ADD3: variants seen among roughly 807,000 people sequenced by gnomAD.
ADD3 encodes gamma-adducin.
In ADD3, 25 loss-of-function variants were observed where a neutral mutation model predicts 80.2. The observed-to-expected ratio is 0.31, with a 90% CI of 0.23 to 0.44. The LOEUF (loss-of-function observed/expected upper bound fraction) is 0.44. Ranked by LOEUF, ADD3 falls within the 20% of genes least tolerant of loss-of-function variation. The probability of loss-of-function intolerance (pLI) is 1.00; values close to 1 mark genes in which losing one functional copy is unlikely to be tolerated. For synonymous variants in ADD3, 284 were observed against 289.6 expected, an observed-to-expected ratio of 0.98 and a Z score of 0.20; for missense variants, 829 against 847.5, an observed-to-expected ratio of 0.98 and a Z score of 0.27.
chr10:110,048,295 T>G (rs2133366168), intron 1 of ADD3, among the ~76,000 whole-genome samples: 1 of 152,284 alleles, frequency 6.6e-6, no homozygotes, highest in East Asian at 1.9e-4. Flanking sequence ...CAGCCTTGGG[T>G]ATGTCTTTAT....
At chr10:110,022,746 G>A (rs1853827023) in intron 1 of ADD3, among the ~76,000 whole-genome samples, 1 of 152,176 alleles carries the variant, frequency 6.6e-6, no homozygotes, top group African/African-American at 2.4e-5. Context: ...AGTACAGGTG[G>A]GCACAGAGAA....
chr10:110,016,279 G>T lies in ADD3; in HGVS notation c.-30+7980G>T, dbSNP rs572808378. On this transcript the variant is annotated intron_variant, in intron 1 of 14. Coordinates refer to ENST00000356080, the MANE Select transcript of ADD3 (RefSeq NM_016824.5). ...CCAGTTCCTGGAGAAACCAGGCCCA[G>T]CTTCATTTGGAGGATTTGACAGGAT... Among the ~76,000 whole-genome samples, 7 of 152,324 alleles carry T rather than the reference G, an allele frequency of 4.6e-5. No homozygotes were observed. In the East Asian group the frequency reaches 1.3e-3, roughly 29 times the overall value.
chr10:110,044,312 C>G (rs987099209), intron 1 of ADD3, among the ~76,000 whole-genome samples: 1 of 152,140 alleles, frequency 6.6e-6, no homozygotes. Context: ...GAGAATTTGT[C>G]GCTTTATATT....
rs1272125347 is a variant in ADD3, at chr10:110,124,277, A to G, written c.1401+3A>G. ...CCAGTCCCCGAACCAAAATCACGGTATGCCAGTATTTTATGTAGTTTGCCT... is the reference window on the plus strand; with the variant it reads ...CCAGTCCCCGAACCAAAATCACGGTGTGCCAGTATTTTATGTAGTTTGCCT... On this transcript the variant is annotated splice_donor_region_variant and intron_variant, in intron 10 of 14. Transcript: ENST00000356080. 3.7e-6 allele frequency: 6 copies of G among 1,613,060 alleles called. No homozygotes were observed. The highest frequency in any genetic ancestry group is 2.5e-6 in the Non-Finnish European group (3 of 1,179,156).
At chr10:110,108,195 C>G (rs1482985898) in intron 2 of ADD3, among the ~76,000 whole-genome samples, 1 of 152,058 alleles carries the variant, frequency 6.6e-6, no homozygotes, top group African/African-American at 2.4e-5. Flanking sequence ...AAGTACTTAG[C>G]CTGGTATTCC....
At chr10:110,100,480 A>T in intron 1 of ADD3, 145 bp from the exon 2 acceptor site, 1 of 456,010 alleles carries the variant, frequency 2.2e-6, no homozygotes, top group Non-Finnish European at 3.9e-6. Context: ...ATGAATAAAA[A>T]ATTGTTCTAA....
intron 1 of ADD3, 43 bp downstream of exon 1, chr10:110,008,342 T>G (rs1851879453): frequency 6.6e-6 from 1 of 152,290 alleles, no homozygotes; most frequent in African/African-American, 2.4e-5. Context: ...CCGCCTCTCT[T>G]CCGGGCCGGG....
rs1352233284 is a variant in ADD3, at chr10:110,132,466, G to A, written c.1828+66G>A. 1.0e-5 allele frequency: 11 copies of A among 1,096,272 alleles called. No individual in the cohort carries two copies. The Admixed American group carries it at 1.4e-4, about 14-fold the overall frequency. The allele number at this position is 1,096,272 out of a possible 1,614,324, so 67.9% of individuals were successfully genotyped here. A position where few individuals can be genotyped will look rare whatever the true frequency, so the allele number is the denominator to read the frequency against. Reference sequence around the variant, plus strand: ...TCTTGAGTCTGTCCCTCTGTGTTTTGTTTTCACGTGAGGAAGTTGAATACC... The same window carrying A: ...TCTTGAGTCTGTCCCTCTGTGTTTTATTTTCACGTGAGGAAGTTGAATACC... On this transcript the variant is annotated intron_variant, in intron 14 of 14. Coordinates refer to ENST00000356080, the MANE Select transcript of ADD3 (RefSeq NM_016824.5).
intron 14 of ADD3, among the ~76,000 whole-genome samples, chr10:110,132,946 A>T (rs1216769354): frequency 6.8e-6 from 1 of 147,558 alleles, no homozygotes; most frequent in Non-Finnish European, 1.5e-5. Context: ...AAAAAAAAAA[A>T]GAATTTGTGG....
intron 6 of ADD3, 95 bp from the exon 7 acceptor site, chr10:110,119,116 G>C: frequency 7.5e-7 from 1 of 1,336,884 alleles, no homozygotes; most frequent in Non-Finnish European, 1.0e-6. Flanking sequence ...CAGTGAATAG[G>C]CCAGTGTTTT....
chr10:110,056,497 G>GT (rs1223782582), intron 1 of ADD3, among the ~76,000 whole-genome samples: 2 of 152,126 alleles, frequency 1.3e-5, no homozygotes, highest in African/African-American at 2.4e-5. Flanking sequence ...CGAAGTAAGG[G>GT]TTTTTTCTCC....
In ADD3 at chr10:110,124,062, A is replaced by G. The variant is rs1851842534; in HGVS notation, c.1189A>G (p.Lys397Glu). 1 of 1,614,170 alleles carries G rather than the reference A, an allele frequency of 6.2e-7. No homozygotes were observed. The highest frequency in any genetic ancestry group is 2.2e-5 in the East Asian group (1 of 44,886). Reference protein sequence around the residue: ...YAYRHPLIREKPRHKSDVEIP... With the variant: ...YAYRHPLIREEPRHKSDVEIP... ...TTACAGGCATCCTCTCATTCGAGAGAAGCCTAGGCACAAGAGTGATGTGGA... is the reference window on the plus strand; with the variant it reads ...TTACAGGCATCCTCTCATTCGAGAGGAGCCTAGGCACAAGAGTGATGTGGA... The change falls in exon 10 of 15, where the codon AAG becomes GAG. Residue 397 changes from lysine (K) to glutamate (E), a missense_variant. Physicochemically the swap from Lys to Glu is moderately conservative, Grantham distance 56 (BLOSUM62 1). Coordinates refer to ENST00000356080, the MANE Select transcript of ADD3 (RefSeq NM_016824.5).
At position 110,132,312 on chromosome 10, in the gene ADD3, G is replaced by A. The variant is rs370817501; in HGVS notation, c.1740G>A (p.Glu580=). 6.2e-7 allele frequency: 1 copy of A among 1,612,532 alleles called. No individual in the cohort carries two copies. Among genetic ancestry groups the A allele is most frequent in the African/African-American group, 1.3e-5 (1 of 74,962 alleles). The change falls in exon 14 of 15, where the codon GAG becomes GAA. Residue 580 remains glutamate, a synonymous_variant. Transcript: ENST00000356080. ...TAAACTCTTATCCAACAGATGCTGA[G>A]CAGGAATTACTCTCAGATGACGCTT... ...ERKQQGLEDA[E]QELLSDDASS... is the part of the protein sequence containing the mutation.
At chr10:110,084,428 C>T (rs1028758796) in intron 1 of ADD3, among the ~76,000 whole-genome samples, 3 of 152,114 alleles carry the variant, frequency 2.0e-5, no homozygotes, top group Admixed American at 1.3e-4. Flanking sequence ...TAAAATTGTG[C>T]TTACCAAAAT....
intron 1 of ADD3, among the ~76,000 whole-genome samples, chr10:110,057,070 G>A (rs1858285995): frequency 6.6e-6 from 1 of 152,068 alleles, no homozygotes; most frequent in African/African-American, 2.4e-5. Context: ...GAATTCCTTA[G>A]GTTGCAAAAT....
chr10:110,132,230 T>C (rs1338845219), intron 13 of ADD3, 75 bp from the exon 14 acceptor site: 22 of 949,456 alleles, frequency 2.3e-5, no homozygotes, highest in African/African-American at 4.9e-5. Flanking sequence ...ATTTGATGTA[T>C]GCACTAACCT....
intron 8 of ADD3, among the ~76,000 whole-genome samples, chr10:110,121,295 C>G (rs1208467133): frequency 2.0e-5 from 3 of 151,960 alleles, no homozygotes; most frequent in Non-Finnish European, 4.4e-5. Context: ...ACCAGCCTGA[C>G]CAACATGGAG....
At chr10:110,072,563 T>C (rs1336569619) in intron 1 of ADD3, among the ~76,000 whole-genome samples, 3 of 152,174 alleles carry the variant, frequency 2.0e-5, no homozygotes, top group African/African-American at 4.8e-5. Flanking sequence ...AGGAGGCTTT[T>C]CTTTACAAAT....
intron 13 of ADD3, among the ~76,000 whole-genome samples, chr10:110,131,208 C>A (rs1852931135): frequency 6.6e-6 from 1 of 152,050 alleles, no homozygotes; most frequent in Non-Finnish European, 1.5e-5. Flanking sequence ...GCTTTGGAAC[C>A]CTTAGTAAGT....
Sources: gnomAD v4.1 joint callset for allele counts (sites outside exome capture counted in the v4.1 genomes callset) on GRCh38, gnomAD v4.1.1 for gene constraint, MANE v1.5 for transcripts, NCBI Gene and HGNC (gene_info 2026-07-23, HGNC 2026-07-21) for gene names.